SLC22A24: variants seen among roughly 807,000 people sequenced by gnomAD.
SLC22A24 encodes the protein solute carrier family 22 member 24, also known as steroid transmembrane transporter SLC22A24.
SLC22A24 carries 53 observed loss-of-function variants against 49.8 expected under a neutral mutation model. The observed-to-expected ratio is 1.06, with a 90% CI of 0.85 to 1.34. The LOEUF (loss-of-function observed/expected upper bound fraction) is 1.34. Ranked by LOEUF, SLC22A24 falls within the 40% of genes most tolerant of loss-of-function variation. The probability of loss-of-function intolerance (pLI) is 0.00; values close to 1 mark genes in which losing one functional copy is unlikely to be tolerated. For missense variants in SLC22A24, 786 were observed against 675.9 expected (o/e 1.16, Z -1.81); for synonymous variants, 302 against 256.4 (o/e 1.18, Z -1.70).
At chr11:63,098,384 T>C (rs1187745967) in intron 5 of SLC22A24, among the ~76,000 whole-genome samples, 1 of 152,112 alleles carries the variant, frequency 6.6e-6, no homozygotes, top group Non-Finnish European at 1.5e-5. Context: ...AAACTTCAAA[T>C]ATTGGCAGGC....
At chr11:63,106,382 G>A (rs2087121866) in intron 4 of SLC22A24, among the ~76,000 whole-genome samples, 1 of 152,066 alleles carries the variant, frequency 6.6e-6, no homozygotes, top group Admixed American at 6.6e-5. Context: ...GGAGAGTGCT[G>A]CAATAAACAT....
intron 6 of SLC22A24, among the ~76,000 whole-genome samples, chr11:63,094,899 A>G (rs2087043768): frequency 6.6e-6 from 1 of 152,154 alleles, no homozygotes; most frequent in African/African-American, 2.4e-5. Context: ...TCAGATGAGT[A>G]GGTTGCAACA....
chr11:63,129,695 C>A (rs1387454904), intron 2 of SLC22A24, among the ~76,000 whole-genome samples: 1 of 152,102 alleles, frequency 6.6e-6, no homozygotes, highest in Admixed American at 6.5e-5. Context: ...TTCTTCACAT[C>A]CCTTGTAAGT....
At chr11:63,118,804 T>C in intron 4 of SLC22A24, 108 bp downstream of exon 4, 1 of 1,161,006 alleles carries the variant, frequency 8.6e-7, no homozygotes, top group Middle Eastern at 1.9e-4. Context: ...ATGGACATCA[T>C]GGCTCAGGAC....
intron 4 of SLC22A24, among the ~76,000 whole-genome samples, chr11:63,111,845 T>C (rs1449642598): frequency 6.6e-6 from 1 of 152,008 alleles, no homozygotes; most frequent in Non-Finnish European, 1.5e-5. Context: ...GTGTCTCTAT[T>C]TCCTTCATTT....
rs2087428330 is a variant in SLC22A24 at position 63,143,362 on chromosome 11, A to T, written c.402+16T>A. On this transcript the variant is annotated intron_variant, in intron 1 of 9. Coordinates refer to ENST00000612278, the MANE Select transcript of SLC22A24 (RefSeq NM_001136506.2). ...CTTTAATCATATAAACAGAAGATTT[A>T]CATGGGGCCTCTTACCTCAGTCACG... is the stretch of plus-strand genomic sequence containing the variant. The T allele has an allele frequency of 7.0e-7, 1 of 1,434,068 alleles. No individual in the cohort carries two copies. 88.8% of individuals were successfully genotyped at this position (1,434,068 alleles called of 1,614,324 possible).
chr11:63,139,995 A>G (rs1478329607), intron 1 of SLC22A24, among the ~76,000 whole-genome samples: 2 of 152,120 alleles, frequency 1.3e-5, no homozygotes, highest in Non-Finnish European at 2.9e-5. Context: ...ATTTTGTCAG[A>G]AAAATAGAAA....
intron 6 of SLC22A24, among the ~76,000 whole-genome samples, chr11:63,085,748 T>A (rs1300136924): frequency 6.6e-6 from 1 of 152,022 alleles, no homozygotes; most frequent in African/African-American, 2.4e-5. Context: ...CATCAGGAGG[T>A]CATGACGATG....
chr11:63,098,351 G>A (rs1016397608), intron 5 of SLC22A24, among the ~76,000 whole-genome samples: 1 of 152,176 alleles, frequency 6.6e-6, no homozygotes, highest in African/African-American at 2.4e-5. Flanking sequence ...ATAGCAATTA[G>A]TGCCTACATC....
intron 6 of SLC22A24, among the ~76,000 whole-genome samples, chr11:63,089,864 A>G (rs1465445452): frequency 1.3e-5 from 2 of 151,912 alleles, no homozygotes; most frequent in African/African-American, 2.4e-5. Context: ...GGTGGATCAC[A>G]AGGTCAGGAG....
intron 4 of SLC22A24, among the ~76,000 whole-genome samples, chr11:63,110,222 C>A (rs573732174): frequency 6.6e-6 from 1 of 151,720 alleles, no homozygotes; most frequent in East Asian, 1.9e-4. Flanking sequence ...TGTTTTGGTA[C>A]CAGTACCATG....
In SLC22A24 at chr11:63,079,955, T is replaced by A. The variant is rs1235900744; in HGVS notation, c.1644A>T (p.Lys548Asn). ...RNIKQEDTCM[K>N]VTQF Reference sequence around the variant, plus strand: ...TGGGAATCTCTTAAAACTGTGTTACTTTCATGCAAGTATCTTCCTGCTTTA... The same window carrying A: ...TGGGAATCTCTTAAAACTGTGTTACATTCATGCAAGTATCTTCCTGCTTTA... The change falls in exon 10 of 10, where the codon AAA (lysine) becomes AAT (asparagine). Residue 548 changes from lysine (K) to asparagine (N), a missense_variant. Coordinates refer to ENST00000612278, the MANE Select transcript of SLC22A24 (RefSeq NM_001136506.2). The A allele has an allele frequency of 9.1e-6, 14 of 1,545,504 alleles. No homozygotes were observed. In the East Asian group the frequency reaches 3.4e-4, roughly 38 times the overall value.
intron 1 of SLC22A24, among the ~76,000 whole-genome samples, chr11:63,138,428 G>A (rs1007985153): frequency 3.9e-5 from 6 of 151,976 alleles, no homozygotes; most frequent in Admixed American, 1.3e-4. Context: ...AGATCATAAG[G>A]TCAGGAGATC....
chr11:63,111,369 G>C (rs1319078864), intron 4 of SLC22A24, among the ~76,000 whole-genome samples: 3 of 151,858 alleles, frequency 2.0e-5, no homozygotes, highest in African/African-American at 7.3e-5. Flanking sequence ...TTCATAAAAT[G>C]AGTTAGGGAG....
intron 1 of SLC22A24, among the ~76,000 whole-genome samples, chr11:63,143,148 A>T (rs1490339571): frequency 6.6e-6 from 1 of 152,228 alleles, no homozygotes; most frequent in Non-Finnish European, 1.5e-5. Flanking sequence ...ATGATTTAAA[A>T]TTCATGGTCT....
Position 63,083,320 on chromosome 11 carries a change from A to T in SLC22A24, c.1208T>A (p.Met403Lys). Residue 403 changes from methionine (M) to lysine (K), a missense_variant, in exon 7 of 10, where the codon ATG (methionine) becomes AAG (lysine). By Grantham distance (95) the Met-to-Lys change is moderately conservative. Transcript: ENST00000612278. ...RCVSLLTLNH[M>K]GRRISQILFT... ...CAATATCTGGCTTATTCGACGACCC[A>T]TATGATTCAGTGTCAAAAGGGAAAC... The T allele has an allele frequency of 6.4e-7, 1 of 1,560,064 alleles. No individual in the cohort carries two copies. The highest frequency in any genetic ancestry group is 8.7e-7 in the Non-Finnish European group (1 of 1,150,934).
intron 4 of SLC22A24, among the ~76,000 whole-genome samples, chr11:63,105,136 G>T (rs1195023661): frequency 6.6e-6 from 1 of 152,244 alleles, no homozygotes; most frequent in Non-Finnish European, 1.5e-5. Flanking sequence ...GATGCAAGGG[G>T]TGGGTTCCCA....
At chr11:63,136,427 A>T (rs1293078011) in intron 1 of SLC22A24, among the ~76,000 whole-genome samples, 3 of 152,216 alleles carry the variant, frequency 2.0e-5, no homozygotes, top group Non-Finnish European at 2.9e-5. Flanking sequence ...CTTCTCCATG[A>T]CAACATCCAA....
At chr11:63,100,196 A>T (rs114974364) in intron 5 of SLC22A24, among the ~76,000 whole-genome samples, 3 of 152,112 alleles carry the variant, frequency 2.0e-5, no homozygotes, top group African/African-American at 4.8e-5. Context: ...ACAAAAAACT[A>T]TGAGCTGATA....
Sources: allele counts gnomAD v4.1 joint callset (sites outside exome capture counted in the v4.1 genomes callset), GRCh38; gene constraint gnomAD v4.1.1; transcripts MANE v1.5; gene names NCBI Gene and HGNC (gene_info 2026-07-23, HGNC 2026-07-21).